Variants in MBNL2 observed in about 807,000 individuals in gnomAD.
MBNL2 encodes muscleblind-like protein 2.
Under a neutral mutation model 41.9 loss-of-function variants are expected in MBNL2, and 17 were observed. That is an observed-to-expected ratio of 0.41 (90% confidence interval 0.28 to 0.61). The LOEUF (loss-of-function observed/expected upper bound fraction) is 0.61, where lower values mean the gene tolerates loss of function less well. Among genes scored for constraint, MBNL2 ranks in the 20% least tolerant of loss-of-function variants. The pLI is 0.35. For missense variants in MBNL2, 336 were observed against 505.6 expected (o/e 0.66, Z 3.22); for synonymous variants, 195 against 182.9 (o/e 1.07, Z -0.53).
At chr13:97,375,540 G>T (rs935131820) in intron 8 of MBNL2, among the ~76,000 whole-genome samples, 1 of 152,098 alleles carries the variant, frequency 6.6e-6, no homozygotes, top group African/African-American at 2.4e-5. Context: ...ATGAGGTAGG[G>T]CAAAGAGAAA....
chr13:97,164,357 T>C, the MBNL2 span, among the ~76,000 whole-genome samples: 1 of 152,232 alleles, frequency 6.6e-6, no homozygotes, highest in African/African-American at 2.4e-5. Context: ...AGGATTTTTA[T>C]GCCTTTTGGT....
At chr13:97,287,721 C>CTTTTTTTTTTTTTTTTTTTTTTTTTTT (rs768809008) in intron 2 of MBNL2, among the ~76,000 whole-genome samples, 2 of 114,938 alleles carry the variant, frequency 1.7e-5, no homozygotes, top group African/African-American at 4.5e-5. Flanking sequence ...CTTTTCTTTT[C>CTTTTTTTTTTTTTTTTTTTTTTTTTTT]TTTTTTTTTT....
chr13:97,325,682 A>AT (rs1461331353), intron 2 of MBNL2, among the ~76,000 whole-genome samples: 2 of 152,222 alleles, frequency 1.3e-5, no homozygotes, highest in Admixed American at 6.5e-5. Flanking sequence ...GTGAGCTATG[A>AT]TTGTGCCACT....
At position 97,343,129 on chromosome 13, in the gene MBNL2, C is replaced by T; in HGVS notation, c.453C>T (p.Thr151=). The T allele has an allele frequency of 1.2e-6, 2 of 1,614,058 alleles. No individual in the cohort carries two copies. Among genetic ancestry groups the T allele is most frequent in the Non-Finnish European group, 1.7e-6 (2 of 1,179,916 alleles). Residue 151 remains threonine (T), a synonymous_variant, in exon 4 of 9, where the codon ACC becomes ACT. Transcript: ENST00000679496. ...VGLVPTEILP[T]TPVIVPGSPP... ...TGGTCCCAACGGAAATTCTGCCCACCACGCCTGTTATTGTTCCCGGAAGTC... is the reference window on the plus strand; with the variant it reads ...TGGTCCCAACGGAAATTCTGCCCACTACGCCTGTTATTGTTCCCGGAAGTC...
the MBNL2 span, among the ~76,000 whole-genome samples, chr13:97,163,971 G>A: frequency 6.6e-6 from 1 of 152,112 alleles, no homozygotes; most frequent in African/African-American, 2.4e-5. Context: ...TTCTAGCACA[G>A]TTCCTTGGAT....
At position 97,258,047 on chromosome 13, in the gene MBNL2, G is replaced by GC. The variant is rs533415147; in HGVS notation, c.-604-17579dup. On this transcript the variant is annotated intron_variant, in intron 1 of 8. Transcript: ENST00000679496. ...CAATAGTGACGAGCCTCTGAGGAGC[G>GC]CCCCCCGTCTGGGAGGAGAGGAAAC... 3.9e-5 allele frequency among the ~76,000 whole-genome samples: 6 copies of GC among 152,238 alleles called. No homozygotes were observed. In the South Asian group the frequency reaches 6.2e-4, roughly 16 times the overall value.
the MBNL2 span, among the ~76,000 whole-genome samples, chr13:97,192,504 A>G: frequency 6.6e-6 from 1 of 152,222 alleles, no homozygotes; most frequent in East Asian, 1.9e-4. Flanking sequence ...AACCAGTTGG[A>G]AAGCAGAGGA....
At chr13:97,192,455 C>T in the MBNL2 span, among the ~76,000 whole-genome samples, 1 of 152,204 alleles carries the variant, frequency 6.6e-6, no homozygotes, top group Non-Finnish European at 1.5e-5. Context: ...GCTGGGCTAA[C>T]ACCAGAGCTT....
At chr13:97,212,954 C>G in the MBNL2 span, among the ~76,000 whole-genome samples, 2 of 152,144 alleles carry the variant, frequency 1.3e-5, no homozygotes, top group African/African-American at 4.8e-5. Flanking sequence ...GGGCCCTCTA[C>G]TGGTCAGAAA....
At chr13:97,165,757 C>G in the MBNL2 span, among the ~76,000 whole-genome samples, 1 of 152,204 alleles carries the variant, frequency 6.6e-6, no homozygotes, top group South Asian at 2.1e-4. Flanking sequence ...AACTTGAAAA[C>G]TGTGTGATAT....
chr13:97,319,760 T>C (rs1298079176), intron 2 of MBNL2, among the ~76,000 whole-genome samples: 3 of 152,222 alleles, frequency 2.0e-5, no homozygotes, highest in Non-Finnish European at 4.4e-5. Flanking sequence ...TCTTTGAAAA[T>C]GGATCTTCAG....
chr13:97,261,376 G>A (rs183987971), intron 1 of MBNL2, among the ~76,000 whole-genome samples: 183 of 152,204 alleles, frequency 1.2e-3, no homozygotes, highest in African/African-American at 4.0e-3. Flanking sequence ...CCACCCAGGA[G>A]AGAACAGCCC....
intron 2 of MBNL2, among the ~76,000 whole-genome samples, chr13:97,279,988 T>A (rs1395840612): frequency 1.3e-5 from 2 of 152,202 alleles, no homozygotes; most frequent in Admixed American, 6.5e-5. Context: ...TTTGGAAGTT[T>A]CAGTATTATT....
intron 7 of MBNL2, among the ~76,000 whole-genome samples, chr13:97,358,114 T>C (rs1449608901): frequency 2.6e-5 from 4 of 152,232 alleles, no homozygotes; most frequent in Admixed American, 2.0e-4. Context: ...TCTTTCTCCA[T>C]CCTTCTCAAC....
chr13:97,308,533 T>A (rs1210408262), intron 2 of MBNL2, among the ~76,000 whole-genome samples: 1 of 152,196 alleles, frequency 6.6e-6, no homozygotes, highest in Non-Finnish European at 1.5e-5. Context: ...AAAATGATGA[T>A]GGCCCATTTA....
intron 8 of MBNL2, among the ~76,000 whole-genome samples, chr13:97,365,429 G>C (rs992964744): frequency 6.6e-6 from 1 of 152,128 alleles, no homozygotes; most frequent in Admixed American, 6.5e-5. Context: ...TTAATGATTT[G>C]TGTTTTGTTT....
chr13:97,260,462 G>C (rs1485580718), intron 1 of MBNL2, among the ~76,000 whole-genome samples: 1 of 152,218 alleles, frequency 6.6e-6, no homozygotes, highest in Non-Finnish European at 1.5e-5. Flanking sequence ...TGTGGCTGCA[G>C]TGCGGCAAGG....
chr13:97,328,180 T>TC (rs1484691794), intron 2 of MBNL2, among the ~76,000 whole-genome samples: 2 of 150,568 alleles, frequency 1.3e-5, no homozygotes, highest in East Asian at 3.9e-4. Context: ...ACCCTTTTTT[T>TC]TTTTTTTTTT....
chr13:97,332,507 G>T (rs763602088), intron 2 of MBNL2, among the ~76,000 whole-genome samples: 11 of 152,160 alleles, frequency 7.2e-5, no homozygotes, highest in Non-Finnish European at 1.6e-4. Context: ...AGTAAGAGAT[G>T]CCTGAAGCAA....
Sources: gnomAD v4.1 joint callset for allele counts (sites outside exome capture counted in the v4.1 genomes callset) on GRCh38, gnomAD v4.1.1 for gene constraint, MANE v1.5 for transcripts, NCBI Gene and HGNC (gene_info 2026-07-23, HGNC 2026-07-21) for gene names.